Variants in TSHZ2 observed in about 807,000 individuals in gnomAD.
TSHZ2 encodes the protein teashirt zinc finger homeobox 2.
TSHZ2 carries 21 observed loss-of-function variants against 74.4 expected under a neutral mutation model. The ratio of observed to expected loss-of-function variants is 0.28; its 90% CI spans 0.20 to 0.41. TSHZ2 has a LOEUF of 0.41. TSHZ2 is among the 10% of genes least tolerant of loss of function. The pLI is 1.00. For missense variants in TSHZ2, 1,244 were observed against 1,293.5 expected, an observed-to-expected ratio of 0.96 and a Z score of 0.59; for synonymous variants, 540 against 515.3, an observed-to-expected ratio of 1.05 and a Z score of -0.65.
chr20:53,329,686 A>G (rs1979641621), intron 2 of TSHZ2, among the ~76,000 whole-genome samples: 1 of 152,212 alleles, frequency 6.6e-6, no homozygotes, highest in Admixed American at 6.5e-5. Context: ...AAGAGGAAGA[A>G]TGCCAAAATC....
At chr20:53,176,669 G>A (rs1281550481) in intron 1 of TSHZ2, among the ~76,000 whole-genome samples, 3 of 151,460 alleles carry the variant, frequency 2.0e-5, no homozygotes, top group Non-Finnish European at 4.4e-5. Context: ...TTATTTAGAA[G>A]TTGTATTTCT....
At chr20:53,443,260 T>A (rs1332267735) in intron 2 of TSHZ2, among the ~76,000 whole-genome samples, 1 of 152,180 alleles carries the variant, frequency 6.6e-6, no homozygotes, top group Admixed American at 6.6e-5. Flanking sequence ...TTAAAAGCCT[T>A]TATAACTCTG....
chr20:53,192,562 GA>G (rs35358292), intron 1 of TSHZ2, among the ~76,000 whole-genome samples: 2,759 of 127,204 alleles, frequency 0.022, 66 homozygotes, highest in African/African-American at 0.065. Flanking sequence ...TTAGTGTCTG[GA>G]AAAAAAAAAA....
chr20:53,391,115 CTTTTGTTTTG>C (rs151236380), intron 2 of TSHZ2, among the ~76,000 whole-genome samples: 62 of 147,662 alleles, frequency 4.2e-4, no homozygotes, highest in Non-Finnish European at 8.0e-4. Context: ...ATATACTACA[CTTTTGTTTTG>C]TTTTGTTTTG....
chr20:53,215,058 T>C (rs1398965324), intron 1 of TSHZ2, among the ~76,000 whole-genome samples: 2 of 152,196 alleles, frequency 1.3e-5, no homozygotes, highest in African/African-American at 2.4e-5. Context: ...CATAGGCTAA[T>C]GTCCTCCTGC....
At chr20:53,001,237 T>TGC (rs1453929051) in intron 1 of TSHZ2, among the ~76,000 whole-genome samples, 2 of 148,700 alleles carry the variant, frequency 1.3e-5, no homozygotes, top group East Asian at 3.9e-4. Flanking sequence ...TGTGTGTGTG[T>TGC]GTGTGTGTGT....
chr20:53,453,493 C>G (rs1323152501), intron 2 of TSHZ2, among the ~76,000 whole-genome samples: 3 of 151,808 alleles, frequency 2.0e-5, no homozygotes, highest in African/African-American at 7.2e-5. Flanking sequence ...ATTTTTTTTT[C>G]CTGTGCTCTA....
At chr20:53,058,893 C>T (rs746269479) in intron 1 of TSHZ2, among the ~76,000 whole-genome samples, 6 of 152,154 alleles carry the variant, frequency 3.9e-5, no homozygotes, top group Non-Finnish European at 7.3e-5. Context: ...ACATATATTT[C>T]GTTTGTTTGA....
chr20:53,370,091 A>T (rs1981412752), intron 2 of TSHZ2, among the ~76,000 whole-genome samples: 1 of 152,266 alleles, frequency 6.6e-6, no homozygotes, highest in East Asian at 1.9e-4. Context: ...CAGGAATCTG[A>T]AGTCTGTGTC....
intron 2 of TSHZ2, among the ~76,000 whole-genome samples, chr20:53,411,929 G>A (rs1182714592): frequency 1.3e-5 from 2 of 152,226 alleles, no homozygotes; most frequent in African/African-American, 4.8e-5. Flanking sequence ...CACACATAAT[G>A]AGCATTAAAT....
chr20:53,185,113 T>C (rs1031921807), intron 1 of TSHZ2, among the ~76,000 whole-genome samples: 3 of 152,236 alleles, frequency 2.0e-5, no homozygotes, highest in African/African-American at 7.2e-5. Context: ...TTTATACATT[T>C]TTTAAAATCT....
At chr20:53,200,356 A>G (rs1399487631) in intron 1 of TSHZ2, among the ~76,000 whole-genome samples, 1 of 152,186 alleles carries the variant, frequency 6.6e-6, no homozygotes, top group Non-Finnish European at 1.5e-5. Flanking sequence ...GAAAACCAGG[A>G]AACACCAAGG....
intron 2 of TSHZ2, among the ~76,000 whole-genome samples, chr20:53,366,716 C>A (rs1260416187): frequency 6.6e-6 from 1 of 152,204 alleles, no homozygotes; most frequent in Non-Finnish European, 1.5e-5. Flanking sequence ...TAAGGTGGGA[C>A]AAATAGACCA....
intron 2 of TSHZ2, among the ~76,000 whole-genome samples, chr20:53,419,042 G>C (rs1983374232): frequency 6.6e-6 from 1 of 152,200 alleles, no homozygotes; most frequent in African/African-American, 2.4e-5. Context: ...AGCTCTTGTT[G>C]GGTGAATTAA....
intron 1 of TSHZ2, among the ~76,000 whole-genome samples, chr20:53,089,837 A>G (rs981045374): frequency 3.3e-5 from 5 of 152,244 alleles, no homozygotes; most frequent in African/African-American, 1.2e-4. Flanking sequence ...GGGAGCGCCC[A>G]AGAATCCTGT....
At chr20:52,990,637 G>GC (rs1047342961) in intron 1 of TSHZ2, among the ~76,000 whole-genome samples, 44 of 152,204 alleles carry the variant, frequency 2.9e-4, no homozygotes, top group Non-Finnish European at 4.7e-4. Context: ...GGAAGGAAGA[G>GC]CCCCCCGGAT....
At chr20:53,176,326 C>A (rs908251714) in intron 1 of TSHZ2, among the ~76,000 whole-genome samples, 1 of 152,192 alleles carries the variant, frequency 6.6e-6, no homozygotes, top group Non-Finnish European at 1.5e-5. Flanking sequence ...TTGCTGAACA[C>A]CTGTAGCCAG....
rs200492826 is a variant in TSHZ2, at chr20:53,491,083, CA to C, written c.*3951del. On this transcript the variant is annotated 3_prime_UTR_variant, in exon 3 of 3. Transcript: ENST00000371497. The stretch of plus-strand genomic sequence containing the variant: ...TTGTTTAAAAAAAAAAAAAAAACCC[CA>C]AATGTCATTTTTCACATTATCCTCT... 7.1e-6 allele frequency: 1 copy of C among 140,286 alleles called. No individual in the cohort carries two copies. Among genetic ancestry groups the C allele is most frequent in the African/African-American group, 2.7e-5 (1 of 37,052 alleles). 8.7% of individuals were successfully genotyped at this position (140,286 alleles called of 1,614,324 possible).
chr20:53,415,553 A>C, intron 2 of TSHZ2, among the ~76,000 whole-genome samples: 1 of 151,888 alleles, frequency 6.6e-6, no homozygotes, highest in Non-Finnish European at 1.5e-5. Context: ...CTATCCTAAA[A>C]CTATTACAGA....
Sources: gnomAD v4.1 joint callset for allele counts (sites outside exome capture counted in the v4.1 genomes callset) on GRCh38, gnomAD v4.1.1 for gene constraint, MANE v1.5 for transcripts, NCBI Gene and HGNC (gene_info 2026-07-23, HGNC 2026-07-21) for gene names.